The following TRABD2B variants were observed in gnomAD, a reference collection of about 807,000 sequenced individuals.
The protein encoded by TRABD2B is TraB domain containing 2B, also known as metalloprotease TIKI2.
A neutral mutation model predicts 40.1 loss-of-function variants in TRABD2B; 14 were observed. The ratio of observed to expected loss-of-function variants is 0.35; its 90% CI spans 0.23 to 0.55. The LOEUF is 0.55. Ranked by LOEUF, TRABD2B falls within the 20% of genes least tolerant of loss-of-function variation. The pLI, the probability that TRABD2B is intolerant of heterozygous loss-of-function variation, is 0.90. For synonymous variants in TRABD2B, 263 were observed against 277.0 expected, an observed-to-expected ratio of 0.95 and a Z score of 0.50; for missense variants, 541 against 648.6, an observed-to-expected ratio of 0.83 and a Z score of 1.80.
chr1:47,935,972 A>G (rs918580028), intron 2 of TRABD2B, among the ~76,000 whole-genome samples: 10 of 152,204 alleles, frequency 6.6e-5, no homozygotes, highest in Non-Finnish European at 8.8e-5. Context: ...CCCTTCTCTG[A>G]GACTCAAATG....
chr1:47,833,847 C>T (rs1645281771), intron 2 of TRABD2B, among the ~76,000 whole-genome samples: 1 of 152,222 alleles, frequency 6.6e-6, no homozygotes, highest in Non-Finnish European at 1.5e-5. Flanking sequence ...GCAACAAGAA[C>T]ACAGACAAAA....
At chr1:47,815,308 T>C (rs1645016290) in intron 2 of TRABD2B, among the ~76,000 whole-genome samples, 1 of 152,186 alleles carries the variant, frequency 6.6e-6, no homozygotes, top group African/African-American at 2.4e-5. Context: ...GCCTCCTTGT[T>C]GTGCAGGTCT....
At chr1:47,899,510 T>C (rs562181206) in intron 2 of TRABD2B, among the ~76,000 whole-genome samples, 8 of 152,336 alleles carry the variant, frequency 5.3e-5, no homozygotes, top group Middle Eastern at 3.4e-3. Flanking sequence ...TCTAGAAAAC[T>C]GCTGTCTGAT....
intron 2 of TRABD2B, among the ~76,000 whole-genome samples, chr1:47,883,126 T>C (rs1346613997): frequency 2.0e-5 from 3 of 152,190 alleles, no homozygotes; most frequent in Non-Finnish European, 4.4e-5. Context: ...ACCCACTCTT[T>C]ACAACATCCC....
chr1:47,828,300 C>T (rs1017002110), intron 2 of TRABD2B, among the ~76,000 whole-genome samples: 7 of 152,282 alleles, frequency 4.6e-5, no homozygotes, highest in Non-Finnish European at 8.8e-5. Context: ...CCCCTCCTTC[C>T]TCACAAACAG....
chr1:47,815,862 C>G (rs1645025835), intron 2 of TRABD2B, among the ~76,000 whole-genome samples: 1 of 151,266 alleles, frequency 6.6e-6, no homozygotes. Flanking sequence ...GAAATAGAGT[C>G]AGGAGTGTGG....
At chr1:47,842,061 T>C (rs939305430) in intron 2 of TRABD2B, among the ~76,000 whole-genome samples, 1 of 152,172 alleles carries the variant, frequency 6.6e-6, no homozygotes, top group Non-Finnish European at 1.5e-5. Flanking sequence ...CATGAACCAC[T>C]GCGCCTGGCC....
chr1:47,896,599 G>A lies in TRABD2B; in HGVS notation c.667-94980C>T, dbSNP rs538413494. Among the ~76,000 whole-genome samples the A allele has an allele frequency of 4.6e-5, 7 of 152,292 alleles. No homozygotes were observed. In the South Asian group the frequency reaches 1.2e-3, roughly 27 times the overall value. ...GTGGGCACAGAAGCCCAGTCTGTGC[G>A]TCACTAAAATCAGGCAGGCTTGGGG... On this transcript the variant is annotated intron_variant, in intron 2 of 6. Transcript: ENST00000606738.
intron 2 of TRABD2B, among the ~76,000 whole-genome samples, chr1:47,977,363 C>T (rs925895922): frequency 2.6e-5 from 4 of 152,122 alleles, no homozygotes; most frequent in Admixed American, 6.5e-5. Context: ...TGAGCCACTG[C>T]GCCCAGCCAG....
At chr1:47,892,386 T>C (rs1356859959) in intron 2 of TRABD2B, among the ~76,000 whole-genome samples, 1 of 152,230 alleles carries the variant, frequency 6.6e-6, no homozygotes, top group East Asian at 1.9e-4. Context: ...GAGAATCAAC[T>C]ATTGGTTAAA....
intron 2 of TRABD2B, among the ~76,000 whole-genome samples, chr1:47,916,826 C>T (rs879853243): frequency 3.3e-5 from 5 of 152,232 alleles, no homozygotes; most frequent in Admixed American, 2.6e-4. Context: ...CTCTTTTCTT[C>T]TCCCCATTCT....
chr1:47,987,234 G>C (rs1425159877), intron 2 of TRABD2B, among the ~76,000 whole-genome samples: 2 of 152,098 alleles, frequency 1.3e-5, no homozygotes, highest in Non-Finnish European at 2.9e-5. Context: ...GCGGATGAGG[G>C]TTCTTGGAAT....
chr1:47,808,544 G>C (rs1644922004), intron 2 of TRABD2B, among the ~76,000 whole-genome samples: 1 of 152,182 alleles, frequency 6.6e-6, no homozygotes, highest in Non-Finnish European at 1.5e-5. Context: ...AAGGAAGACA[G>C]TGATGGGAGA....
chr1:47,938,343 C>T (rs1019182748), intron 2 of TRABD2B, among the ~76,000 whole-genome samples: 1 of 152,158 alleles, frequency 6.6e-6, no homozygotes, highest in Non-Finnish European at 1.5e-5. Context: ...TATTTTAGTC[C>T]CAGCTCTATC....
intron 2 of TRABD2B, among the ~76,000 whole-genome samples, chr1:47,857,012 A>T (rs1466805703): frequency 1.3e-5 from 2 of 152,246 alleles, no homozygotes; most frequent in Non-Finnish European, 2.9e-5. Flanking sequence ...CAGTTTCAGC[A>T]ATGGTCCAAC....
intron 2 of TRABD2B, among the ~76,000 whole-genome samples, chr1:47,829,970 A>G (rs1645227109): frequency 6.6e-6 from 1 of 151,776 alleles, no homozygotes; most frequent in Non-Finnish European, 1.5e-5. Context: ...CTGGGCCTTA[A>G]ACTTTCTTCT....
intron 2 of TRABD2B, among the ~76,000 whole-genome samples, chr1:47,859,973 C>G (rs1570143361): frequency 6.6e-6 from 1 of 152,180 alleles, no homozygotes. Flanking sequence ...GTATCTTGCC[C>G]AGGGTCACCC....
intron 2 of TRABD2B, among the ~76,000 whole-genome samples, chr1:47,803,579 T>G (rs1460822002): frequency 2.0e-5 from 3 of 152,228 alleles, no homozygotes; most frequent in African/African-American, 7.2e-5. Context: ...CCCAGATGCA[T>G]GAGTGGAAAA....
chr1:47,896,393 G>A (rs181286500), intron 2 of TRABD2B, among the ~76,000 whole-genome samples: 220 of 152,280 alleles, frequency 1.4e-3, no homozygotes, highest in Non-Finnish European at 2.5e-3. Flanking sequence ...ACAGAGTCAC[G>A]CAGCCCACTC....
Sources: allele counts gnomAD v4.1 joint callset (sites outside exome capture counted in the v4.1 genomes callset), GRCh38; gene constraint gnomAD v4.1.1; transcripts MANE v1.5; gene names NCBI Gene and HGNC (gene_info 2026-07-23, HGNC 2026-07-21).